RYR2: variants seen among roughly 807,000 people sequenced by gnomAD.
RYR2 encodes the protein ryanodine receptor 2.
Under a neutral mutation model 601.1 loss-of-function variants are expected in RYR2, and 227 were observed. That is an observed-to-expected ratio of 0.38 (90% confidence interval 0.34 to 0.42). RYR2 has a LOEUF of 0.42. Among genes scored for constraint, RYR2 ranks in the 10% least tolerant of loss-of-function variants. The pLI is 1.00. For synonymous variants in RYR2, 2,223 were observed against 2,175.1 expected, an observed-to-expected ratio of 1.02 and a Z score of -0.61; for missense variants, 4,646 against 6,156.5, an observed-to-expected ratio of 0.75 and a Z score of 8.21.
intron 1 of RYR2, among the ~76,000 whole-genome samples, chr1:237,240,665 C>CAAAAAAAAA (rs35984919): frequency 9.1e-5 from 5 of 55,154 alleles, no homozygotes; most frequent in Non-Finnish European, 1.0e-4. Flanking sequence ...CTATAAAAGC[C>CAAAAAAAAA]AAAAAAAAAA....
chr1:237,112,913 C>T, intron 1 of RYR2, among the ~76,000 whole-genome samples: 1 of 151,590 alleles, frequency 6.6e-6, no homozygotes, highest in East Asian at 1.9e-4. Flanking sequence ...CTTTTTTATC[C>T]CTAAGTGCCC....
intron 16 of RYR2, among the ~76,000 whole-genome samples, chr1:237,464,942 T>G (rs1430044228): frequency 6.6e-6 from 1 of 152,200 alleles, no homozygotes; most frequent in African/African-American, 2.4e-5. Flanking sequence ...TGAGCTTCCT[T>G]GTATTTCTCT....
intron 69 of RYR2, among the ~76,000 whole-genome samples, 163 bp downstream of exon 69, chr1:237,709,261 C>G (rs578050267): frequency 5.9e-4 from 90 of 152,224 alleles, no homozygotes; most frequent in African/African-American, 2.1e-3. Context: ...AATTAAAACA[C>G]CTTAAAATCA....
intron 100 of RYR2, among the ~76,000 whole-genome samples, chr1:237,818,738 A>G (rs1218582003): frequency 6.6e-6 from 1 of 151,606 alleles, no homozygotes; most frequent in Non-Finnish European, 1.5e-5. Flanking sequence ...ATTAGCACAG[A>G]TGGTTCAGAG....
intron 18 of RYR2, among the ~76,000 whole-genome samples, 184 bp downstream of exon 18, chr1:237,492,108 C>T (rs1663416929): frequency 6.6e-6 from 1 of 152,220 alleles, no homozygotes; most frequent in African/African-American, 2.4e-5. Context: ...TCTCAGCCCA[C>T]TGCAACCTCC....
chr1:237,042,676 C>T (rs1302000080), intron 1 of RYR2, 107 bp downstream of exon 1: 1 of 1,100,830 alleles, frequency 9.1e-7, no homozygotes, highest in Non-Finnish European at 1.2e-6. Flanking sequence ...GCGGGCGGGG[C>T]GAGGGGGTGC....
chr1:237,539,094 A>G (rs1386187796), intron 25 of RYR2, among the ~76,000 whole-genome samples: 2 of 152,222 alleles, frequency 1.3e-5, no homozygotes, highest in Admixed American at 1.3e-4. Flanking sequence ...AAAGTCATAG[A>G]TTAGAAATTG....
intron 24 of RYR2, among the ~76,000 whole-genome samples, chr1:237,516,366 G>A (rs1053682295): frequency 6.6e-6 from 1 of 151,964 alleles, no homozygotes; most frequent in African/African-American, 2.4e-5. Context: ...TGATCCACCC[G>A]CCTCAGCCTC....
chr1:237,508,811 C>T (rs1009376642), intron 23 of RYR2, among the ~76,000 whole-genome samples: 130 of 132,122 alleles, frequency 9.8e-4, no homozygotes, highest in African/African-American at 3.5e-3. Flanking sequence ...GGCGGGATCT[C>T]GGCTCACTGC....
intron 53 of RYR2, 124 bp from the exon 54 acceptor site, chr1:237,657,820 A>T: frequency 1.9e-6 from 1 of 537,784 alleles, no homozygotes; most frequent in Non-Finnish European, 3.3e-6. Flanking sequence ...CTAAAAAAAG[A>T]AGTCGTGTTT....
chr1:237,481,809 C>CAAAA (rs553197529), intron 17 of RYR2, among the ~76,000 whole-genome samples: 3 of 46,872 alleles, frequency 6.4e-5, no homozygotes, highest in African/African-American at 1.5e-4. Context: ...TGCTGTGTAG[C>CAAAA]AAAAAAAAAA....
At chr1:237,098,217 G>C (rs1388793482) in intron 1 of RYR2, among the ~76,000 whole-genome samples, 1 of 152,190 alleles carries the variant, frequency 6.6e-6, no homozygotes, top group Non-Finnish European at 1.5e-5. Flanking sequence ...GATATTGATT[G>C]ATTGGTTGAT....
At chr1:237,482,856 A>G (rs527878288) in intron 17 of RYR2, among the ~76,000 whole-genome samples, 9 of 152,158 alleles carry the variant, frequency 5.9e-5, no homozygotes, top group Non-Finnish European at 1.3e-4. Flanking sequence ...TACCCTTGCC[A>G]GCATTTGTTA....
At chr1:237,448,232 A>G (rs1657631691) in intron 14 of RYR2, among the ~76,000 whole-genome samples, 1 of 151,272 alleles carries the variant, frequency 6.6e-6, no homozygotes, top group South Asian at 2.1e-4. Context: ...CGGCATTGAT[A>G]TGTTTTCTTT....
chr1:237,148,523 A>ATATAT (rs1316106371), intron 1 of RYR2, among the ~76,000 whole-genome samples: 6 of 48,286 alleles, frequency 1.2e-4, no homozygotes, highest in East Asian at 8.9e-4. Context: ...AGTAAAAAAA[A>ATATAT]AAAAATATAT....
At chr1:237,778,327 A>G (rs1381896689) in intron 87 of RYR2, among the ~76,000 whole-genome samples, 1 of 151,528 alleles carries the variant, frequency 6.6e-6, no homozygotes, top group Admixed American at 6.6e-5. Context: ...CTATTGATTG[A>G]TTTGACTAAA....
chr1:237,114,003 C>A (rs938078652), intron 1 of RYR2, among the ~76,000 whole-genome samples: 2 of 152,160 alleles, frequency 1.3e-5, no homozygotes, highest in Non-Finnish European at 2.9e-5. Context: ...TCTCTCAGCT[C>A]TTTGTGCCAC....
At chr1:237,213,923 T>TTC (rs1553345496) in intron 1 of RYR2, among the ~76,000 whole-genome samples, 8 of 139,384 alleles carry the variant, frequency 5.7e-5, no homozygotes, top group African/African-American at 1.6e-4. Context: ...TTCTTTTTTT[T>TTC]TTTTTTTTTT....
chr1:237,113,147 C>T (rs1408204043), intron 1 of RYR2, among the ~76,000 whole-genome samples: 1 of 151,992 alleles, frequency 6.6e-6, no homozygotes, highest in Non-Finnish European at 1.5e-5. Context: ...TCCCCTCCAT[C>T]TGGCCATAGG....
Sources: gnomAD v4.1 joint callset for allele counts (sites outside exome capture counted in the v4.1 genomes callset) on GRCh38, gnomAD v4.1.1 for gene constraint, MANE v1.5 for transcripts, NCBI Gene and HGNC (gene_info 2026-07-23, HGNC 2026-07-21) for gene names.